CDH12: variants seen among roughly 807,000 people sequenced by gnomAD.
The protein encoded by CDH12 is cadherin 12, also known as cadherin-12.
A neutral mutation model predicts 74.1 loss-of-function variants in CDH12; 41 were observed. The observed-to-expected ratio is 0.55, with a 90% confidence interval of 0.43 to 0.72. The LOEUF is 0.72. Among genes scored for constraint, CDH12 ranks in the 30% least tolerant of loss-of-function variants. CDH12 has a pLI of 0.00. For missense variants in CDH12, 945 were observed against 977.2 expected (o/e 0.97, Z 0.44); for synonymous variants, 399 against 355.0 (o/e 1.12, Z -1.39).
chr5:22,000,032 T>C lies in CDH12; in HGVS notation c.232-24647A>G, dbSNP rs530237223. ...GTGTCTAGTTTCTTTTTCCCATGGT[T>C]GTTTGAGCCGATCTGCTCATTTGCT... is the stretch of plus-strand genomic sequence containing the variant. On this transcript the variant is annotated intron_variant, in intron 5 of 14. Coordinates refer to ENST00000382254, the MANE Select transcript of CDH12 (RefSeq NM_004061.5). 2.6e-5 allele frequency among the ~76,000 whole-genome samples: 4 copies of C among 152,206 alleles called. No individual in the cohort carries two copies. In the East Asian group the frequency reaches 7.7e-4, roughly 29 times the overall value.
At chr5:22,189,013 C>T (rs1350125411) in intron 4 of CDH12, among the ~76,000 whole-genome samples, 1 of 151,996 alleles carries the variant, frequency 6.6e-6, no homozygotes, top group African/African-American at 2.4e-5. Context: ...AAAATGCTCC[C>T]CAAACTCTTT....
intron 1 of CDH12, among the ~76,000 whole-genome samples, chr5:22,681,038 T>C (rs544548994): frequency 3.3e-4 from 50 of 152,186 alleles, no homozygotes; most frequent in African/African-American, 1.1e-3. Flanking sequence ...TTCTGGGCTA[T>C]GCATTCAAGT....
chr5:22,171,341 G>A (rs1749018417), intron 4 of CDH12, among the ~76,000 whole-genome samples: 1 of 151,816 alleles, frequency 6.6e-6, no homozygotes, highest in African/African-American at 2.4e-5. Context: ...TGTACTAGAT[G>A]GCTATTAAGC....
chr5:22,221,444 C>T (rs1405088412), intron 3 of CDH12, among the ~76,000 whole-genome samples: 4 of 151,730 alleles, frequency 2.6e-5, no homozygotes, highest in Admixed American at 2.0e-4. Context: ...AAGATAAAAA[C>T]TGATTTCTTT....
intron 3 of CDH12, among the ~76,000 whole-genome samples, chr5:22,323,148 C>T (rs1738952793): frequency 6.6e-6 from 1 of 152,064 alleles, no homozygotes; most frequent in African/African-American, 2.4e-5. Flanking sequence ...CATCAGAAAG[C>T]TTAACTTACA....
chr5:22,776,605 T>C (rs1747117432), intron 1 of CDH12, among the ~76,000 whole-genome samples: 1 of 152,022 alleles, frequency 6.6e-6, no homozygotes, highest in African/African-American at 2.4e-5. Context: ...TAAATTTAGT[T>C]AGAGAAACAG....
At chr5:22,482,034 G>A (rs1746404549) in intron 2 of CDH12, among the ~76,000 whole-genome samples, 1 of 152,054 alleles carries the variant, frequency 6.6e-6, no homozygotes, top group South Asian at 2.1e-4. Flanking sequence ...ATGACTGAAG[G>A]CAAAAGAAAG....
At chr5:21,848,678 T>G (rs1000995880) in intron 7 of CDH12, among the ~76,000 whole-genome samples, 4 of 151,982 alleles carry the variant, frequency 2.6e-5, no homozygotes, top group Non-Finnish European at 5.9e-5. Flanking sequence ...TCAGGTTATC[T>G]TCAGTAAGAA....
chr5:21,839,713 G>A (rs575895250), intron 8 of CDH12, among the ~76,000 whole-genome samples: 19 of 152,224 alleles, frequency 1.2e-4, no homozygotes, highest in African/African-American at 3.9e-4. Flanking sequence ...AGATGAACTC[G>A]TAAACTCTCC....
At chr5:22,167,710 T>G (rs1748765597) in intron 4 of CDH12, among the ~76,000 whole-genome samples, 1 of 152,184 alleles carries the variant, frequency 6.6e-6, no homozygotes, top group African/African-American at 2.4e-5. Flanking sequence ...ATGATGAGTA[T>G]TAAATACTCT....
chr5:22,369,593 C>A lies in CDH12; in HGVS notation c.-333+35664G>T, dbSNP rs56727334. Among the ~76,000 whole-genome samples, 442 of 152,256 alleles carry A rather than the reference C, an allele frequency of 2.9e-3. 2 individuals are homozygous for A. Among genetic ancestry groups the A allele is most frequent in the African/African-American group, 0.01 (427 of 41,560 alleles). The stretch of plus-strand genomic sequence containing the variant: ...CTTAAATGCATTTTAAAGTTTATGT[C>A]ATCAATTCTGCTACACAAAGTGAGA... On this transcript the variant is annotated intron_variant, in intron 3 of 14. Transcript: ENST00000382254.
intron 2 of CDH12, among the ~76,000 whole-genome samples, chr5:22,433,221 C>G (rs1449230570): frequency 6.6e-6 from 1 of 152,058 alleles, no homozygotes; most frequent in Non-Finnish European, 1.5e-5. Context: ...TTCTACTTTC[C>G]CGCATTATTT....
chr5:22,269,888 A>G (rs1239464813), intron 3 of CDH12, among the ~76,000 whole-genome samples: 1 of 152,184 alleles, frequency 6.6e-6, no homozygotes, highest in East Asian at 1.9e-4. Flanking sequence ...TTTAGCTTTC[A>G]TTTGAAAACA....
chr5:21,989,079 G>A (rs1425306175), intron 5 of CDH12, among the ~76,000 whole-genome samples: 9 of 151,766 alleles, frequency 5.9e-5, no homozygotes, highest in Non-Finnish European at 1.2e-4. Context: ...GAAGGCTTAA[G>A]AATTTTGATG....
intron 3 of CDH12, among the ~76,000 whole-genome samples, chr5:22,241,282 A>T (rs1288919798): frequency 6.6e-6 from 1 of 152,162 alleles, no homozygotes; most frequent in East Asian, 1.9e-4. Context: ...ACCAAACTCT[A>T]ATTTACTATT....
At chr5:22,759,136 A>G (rs1334967643) in intron 1 of CDH12, among the ~76,000 whole-genome samples, 1 of 151,976 alleles carries the variant, frequency 6.6e-6, no homozygotes, top group Non-Finnish European at 1.5e-5. Flanking sequence ...AGAACTGGCA[A>G]CCTGGACTTC....
At chr5:22,759,100 C>A (rs1436369746) in intron 1 of CDH12, among the ~76,000 whole-genome samples, 1 of 151,976 alleles carries the variant, frequency 6.6e-6, no homozygotes, top group Non-Finnish European at 1.5e-5. Context: ...CAAAAGATTG[C>A]CTGTCATAAA....
At chr5:22,644,114 G>A (rs1280022591) in intron 1 of CDH12, among the ~76,000 whole-genome samples, 7 of 151,952 alleles carry the variant, frequency 4.6e-5, no homozygotes, top group African/African-American at 1.4e-4. Context: ...TACTGAAATT[G>A]AGCCAATTAA....
chr5:22,572,650 A>G (rs1739596681), intron 1 of CDH12, among the ~76,000 whole-genome samples: 1 of 152,158 alleles, frequency 6.6e-6, no homozygotes, highest in Admixed American at 6.6e-5. Context: ...TTTCTATATT[A>G]ACATATGACA....
Sources: gnomAD v4.1 joint callset for allele counts (sites outside exome capture counted in the v4.1 genomes callset) on GRCh38, gnomAD v4.1.1 for gene constraint, MANE v1.5 for transcripts, NCBI Gene and HGNC (gene_info 2026-07-23, HGNC 2026-07-21) for gene names.